The following GM2A variants were observed in gnomAD, a reference collection of about 807,000 sequenced individuals.
The protein encoded by GM2A is ganglioside GM2 activator.
In GM2A, 7 loss-of-function variants were observed where a neutral mutation model predicts 12.9. The ratio of observed to expected loss-of-function variants is 0.54; its 90% CI spans 0.31 to 1.02. The LOEUF is 1.02. Ranked by LOEUF, GM2A falls within the 50% of genes least tolerant of loss-of-function variation. The pLI is 0.05. For synonymous variants in GM2A, 101 were observed against 96.0 expected, an observed-to-expected ratio of 1.05 and a Z score of -0.30; for missense variants, 246 against 241.0, an observed-to-expected ratio of 1.02 and a Z score of -0.14.
chr5:151,253,792 C>T (rs1753635387), intron 1 of GM2A, among the ~76,000 whole-genome samples: 1 of 152,130 alleles, frequency 6.6e-6, no homozygotes, highest in Non-Finnish European at 1.5e-5. Flanking sequence ...GCCTGTGACC[C>T]CGCTGCCCTT....
chr5:151,254,373 G>A (rs999916181), intron 1 of GM2A, among the ~76,000 whole-genome samples: 1 of 152,120 alleles, frequency 6.6e-6, no homozygotes, highest in Non-Finnish European at 1.5e-5. Flanking sequence ...GTAGAGGTGG[G>A]GTCTCACTCT....
intron 1 of GM2A, among the ~76,000 whole-genome samples, chr5:151,257,804 A>C (rs912999106): frequency 1.3e-5 from 2 of 152,106 alleles, no homozygotes; most frequent in African/African-American, 4.8e-5. Flanking sequence ...CTCGGCCTGC[A>C]CTTACATGTC....
Position 151,267,677 on chromosome 5 carries a change from C to T in GM2A, c.*226C>T, listed in dbSNP as rs537947985. 4.6e-3 allele frequency: 6,845 copies of T among 1,486,800 alleles called. 31 individuals are homozygous for T. Among genetic ancestry groups the T allele is most frequent in the Non-Finnish European group, 5.5e-3 (6,131 of 1,115,182 alleles). 92.1% of individuals were successfully genotyped at this position (1,486,800 alleles called of 1,614,324 possible). A position where few individuals can be genotyped will look rare whatever the true frequency, so the allele number is the denominator to read the frequency against. On this transcript the variant is annotated 3_prime_UTR_variant, in exon 4 of 4. Transcript: ENST00000357164. ...TTGGACAGTTCTTGATAGCCCAGGG[C>T]ATCTGCTGGGCTGACCACGTTACTC...
rs916916097 is a variant in GM2A at position 151,268,838 on chromosome 5, C to T, written c.*1387C>T. 4 of 984,986 alleles carry T rather than the reference C, an allele frequency of 4.1e-6. No individual in the cohort carries two copies. The allele number at this position is 984,986 out of a possible 1,614,324, so 61.0% of individuals were successfully genotyped here. A position where few individuals can be genotyped will look rare whatever the true frequency, so the allele number is the denominator to read the frequency against. On this transcript the variant is annotated 3_prime_UTR_variant, in exon 4 of 4. Transcript: ENST00000357164. ...GACTGGCTCATGGGTGGCCACGTCA[C>T]AACCTCTGATCTCAGACCGTGCATG...
rs1240974190 is a variant in GM2A, at chr5:151,267,832, C to G, written c.*381C>G. The G allele has an allele frequency of 8.5e-7, 1 of 1,171,060 alleles. No homozygotes were observed. The highest frequency in any genetic ancestry group is 1.6e-5 in the African/African-American group (1 of 61,856). The allele number at this position is 1,171,060 out of a possible 1,614,324, so 72.5% of individuals were successfully genotyped here. A position where few individuals can be genotyped will look rare whatever the true frequency, so the allele number is the denominator to read the frequency against. ...CTTTCACTCTTTTTTTTTTTTGTCA[C>G]TAAGTTAAAAGCGAAGTGAGAGTAT... On this transcript the variant is annotated 3_prime_UTR_variant, in exon 4 of 4. Transcript: ENST00000357164.
intron 1 of GM2A, among the ~76,000 whole-genome samples, chr5:151,255,288 G>C (rs1052978105): frequency 4.6e-5 from 7 of 152,192 alleles, no homozygotes; most frequent in African/African-American, 1.7e-4. Flanking sequence ...GGGTGACAGA[G>C]TGAGACCCTA....
In GM2A at chr5:151,270,245, G is replaced by T; in HGVS notation, c.*2794G>T. On this transcript the variant is annotated 3_prime_UTR_variant, in exon 4 of 4. Coordinates refer to ENST00000357164, the MANE Select transcript of GM2A (RefSeq NM_000405.5). ...TGTACTTCACACCATATGCAAGAAT[G>T]AACTCCATCTGGATCCAGGATCCAA... 1 of 480,010 alleles carries T rather than the reference G, an allele frequency of 2.1e-6. No individual in the cohort carries two copies. The highest frequency in any genetic ancestry group is 2.0e-5 in the African/African-American group (1 of 50,224). The allele number at this position is 480,010 out of a possible 1,614,324, so 29.7% of individuals were successfully genotyped here. A position where few individuals can be genotyped will look rare whatever the true frequency, so the allele number is the denominator to read the frequency against.
intron 2 of GM2A, among the ~76,000 whole-genome samples, 186 bp downstream of exon 2, chr5:151,260,102 G>T (rs779265528): frequency 2.0e-5 from 3 of 152,166 alleles, no homozygotes; most frequent in Non-Finnish European, 2.9e-5. Context: ...AGATTGAAAG[G>T]AATCTCTGAT....
chr5:151,268,207 G>A lies in GM2A; in HGVS notation c.*756G>A, dbSNP rs912093574. ...AATCTCACTTTGTCACCAGGCTGGA[G>A]TGCAGTGGTGCAATCTCACCTCACT... On this transcript the variant is annotated 3_prime_UTR_variant, in exon 4 of 4. Transcript: ENST00000357164. The A allele has an allele frequency of 6.3e-6, 5 of 798,002 alleles. No homozygotes were observed. The highest frequency in any genetic ancestry group is 7.6e-6 in the Non-Finnish European group (5 of 659,714). The allele number at this position is 798,002 out of a possible 1,614,324, so 49.4% of individuals were successfully genotyped here.
At position 151,268,295 on chromosome 5, in the gene GM2A, A is replaced by G. The variant is rs1753936256; in HGVS notation, c.*844A>G. ...CTCAGCCTCCCAAGTAGCTTGGACT[A>G]CAGGCCCTGCCACCACGCCCGGCTA... On this transcript the variant is annotated 3_prime_UTR_variant, in exon 4 of 4. Coordinates refer to ENST00000357164, the MANE Select transcript of GM2A (RefSeq NM_000405.5). The G allele has an allele frequency of 2.6e-6, 1 of 390,368 alleles. No homozygotes were observed. The highest frequency in any genetic ancestry group is 3.5e-6 in the Non-Finnish European group (1 of 286,480). 24.2% of individuals were successfully genotyped at this position (390,368 alleles called of 1,614,324 possible).
chr5:151,270,174 T>C lies in GM2A; in HGVS notation c.*2723T>C, dbSNP rs1753982785. ...GGTCAAAGCAGACTTTAATAAATGG[T>C]GCTGAGCCAACTGGAAAGCCCCTTG... On this transcript the variant is annotated 3_prime_UTR_variant, in exon 4 of 4. Transcript: ENST00000357164. 33 of 1,122,072 alleles carry C rather than the reference T, an allele frequency of 2.9e-5. No individual in the cohort carries two copies. The highest frequency in any genetic ancestry group is 3.7e-5 in the Non-Finnish European group (33 of 888,644). 69.5% of individuals were successfully genotyped at this position (1,122,072 alleles called of 1,614,324 possible). A position where few individuals can be genotyped will look rare whatever the true frequency, so the allele number is the denominator to read the frequency against.
At chr5:151,255,113 G>A (rs1382740782) in intron 1 of GM2A, among the ~76,000 whole-genome samples, 1 of 152,096 alleles carries the variant, frequency 6.6e-6, no homozygotes, top group African/African-American at 2.4e-5. Flanking sequence ...ACCAGCCTGG[G>A]CAACATGGTG....
chr5:151,260,484 G>A (rs1753775380), intron 2 of GM2A, among the ~76,000 whole-genome samples: 2 of 152,226 alleles, frequency 1.3e-5, no homozygotes, highest in Admixed American at 6.5e-5. Flanking sequence ...TGGGCGTGGT[G>A]GCATGTGCCT....
Position 151,269,329 on chromosome 5 carries a change from AG to A in GM2A, c.*1881del, listed in dbSNP as rs1753963424. The A allele has an allele frequency of 9.1e-6, 9 of 985,358 alleles. No individual in the cohort carries two copies. Among genetic ancestry groups the A allele is most frequent in the Non-Finnish European group, 1.1e-5 (9 of 829,992 alleles). The allele number at this position is 985,358 out of a possible 1,614,324, so 61.0% of individuals were successfully genotyped here. A position where few individuals can be genotyped will look rare whatever the true frequency, so the allele number is the denominator to read the frequency against. ...TTGGGGTGGGGCTCTTTTGGTTGGA[AG>A]GGTTTGTTGGAACGGTACAGGTGAG... On this transcript the variant is annotated 3_prime_UTR_variant, in exon 4 of 4. Transcript: ENST00000357164.
chr5:151,253,661 G>A (rs573792656), intron 1 of GM2A, among the ~76,000 whole-genome samples: 54 of 151,894 alleles, frequency 3.6e-4, no homozygotes, highest in African/African-American at 1.2e-3. Flanking sequence ...CCATGATAAG[G>A]CCTGCTGCCT....
At chr5:151,267,264 C>G in intron 3 of GM2A, 32 bp from the exon 4 acceptor site, 1 of 1,613,840 alleles carries the variant, frequency 6.2e-7, no homozygotes, top group East Asian at 2.2e-5. Context: ...AGTAGGCTCC[C>G]ACTGACTGGC....
At chr5:151,258,976 C>T (rs153474) in intron 1 of GM2A, among the ~76,000 whole-genome samples, 93,819 of 151,720 alleles carry the variant, frequency 0.62, 29,301 homozygotes, top group South Asian at 0.75. Flanking sequence ...TGTTGGAGTG[C>T]GGAGTGGTGG....
intron 1 of GM2A, among the ~76,000 whole-genome samples, chr5:151,259,268 C>G (rs903076260): frequency 9.2e-5 from 14 of 152,134 alleles, no homozygotes; most frequent in African/African-American, 3.4e-4. Flanking sequence ...GTTAGATTTC[C>G]CATTGTGTTT....
intron 2 of GM2A, among the ~76,000 whole-genome samples, chr5:151,261,894 T>C (rs1175526246): frequency 6.6e-6 from 1 of 152,178 alleles, no homozygotes; most frequent in East Asian, 1.9e-4. Flanking sequence ...TTTTGTTTGT[T>C]TGTTTTTTGT....
Sources: gnomAD v4.1 joint callset for allele counts (sites outside exome capture counted in the v4.1 genomes callset) on GRCh38, gnomAD v4.1.1 for gene constraint, MANE v1.5 for transcripts, NCBI Gene and HGNC (gene_info 2026-07-23, HGNC 2026-07-21) for gene names.